SYAP1: variants seen among roughly 807,000 people sequenced by gnomAD.
SYAP1 encodes synapse-associated protein 1.
A neutral mutation model predicts 29.6 loss-of-function variants in SYAP1; 3 were observed. The observed-to-expected ratio is 0.10, with a 90% CI of 0.05 to 0.26. SYAP1 has a LOEUF of 0.26. Ranked by LOEUF, SYAP1 falls within the 10% of genes least tolerant of loss-of-function variation. The probability of loss-of-function intolerance (pLI) is 1.00; values close to 1 mark genes in which losing one functional copy is unlikely to be tolerated. For missense variants in SYAP1, 217 were observed against 264.1 expected (o/e 0.82, Z 1.24); for synonymous variants, 102 against 102.7 (o/e 0.99, Z 0.04).
intron 4 of SYAP1, among the ~76,000 whole-genome samples, chrX:16,743,073 A>T (rs1205023498): frequency 9.1e-6 from 1 of 109,626 alleles, no homozygotes; most frequent in Non-Finnish European, 1.9e-5. Flanking sequence ...CACACCTGTA[A>T]TCCCAGCACT....
At chrX:16,735,412 C>T in intron 2 of SYAP1, 67 bp downstream of exon 2, 1 of 696,074 alleles carries the variant, frequency 1.4e-6, no homozygotes. Flanking sequence ...ATGGTTTCTT[C>T]TTCTTATGAA....
Position 16,762,637 on chromosome X carries a change from C to T in SYAP1, c.*2278C>T, listed in dbSNP as rs1464346170. On this transcript the variant is annotated 3_prime_UTR_variant, in exon 9 of 9. Transcript: ENST00000380155. ...GGGTTAGCCAACAAGATATACCAAG[C>T]ATGAAAACCTGTAAAACTTAATAAA... is the stretch of plus-strand genomic sequence containing the variant. The T allele has an allele frequency of 9.0e-6, 1 of 111,684 alleles. No individual in the cohort carries two copies. The highest frequency in any genetic ancestry group is 1.9e-5 in the Non-Finnish European group (1 of 53,180). 9.2% of individuals were successfully genotyped at this position (111,684 alleles called of 1,213,427 possible). A position where few individuals can be genotyped will look rare whatever the true frequency, so the allele number is the denominator to read the frequency against.
intron 4 of SYAP1, 53 bp from the exon 5 acceptor site, chrX:16,743,648 C>T: frequency 6.6e-5 from 74 of 1,128,180 alleles, no homozygotes; most frequent in Admixed American, 5.6e-4. Context: ...AAATTGTTAT[C>T]TATTAATCGC....
intron 5 of SYAP1, among the ~76,000 whole-genome samples, chrX:16,748,452 T>G (rs896432076): frequency 8.9e-6 from 1 of 112,746 alleles, no homozygotes. Flanking sequence ...CTAGGAACAC[T>G]TTAGAAAACA....
chrX:16,756,273 G>A (rs1169180120), intron 6 of SYAP1, among the ~76,000 whole-genome samples: 1 of 111,885 alleles, frequency 8.9e-6, no homozygotes, highest in African/African-American at 3.3e-5. Flanking sequence ...TGCTAACACT[G>A]TAGTTAAAAA....
At chrX:16,725,036 C>T (rs763037663) in intron 1 of SYAP1, among the ~76,000 whole-genome samples, 5 of 112,475 alleles carry the variant, frequency 4.4e-5, no homozygotes, top group African/African-American at 1.6e-4. Flanking sequence ...TAGGACAAAT[C>T]ATTTTTCCTC....
At chrX:16,743,874 C>T (rs753524350) in intron 5 of SYAP1, 34 bp downstream of exon 5, 1 of 1,190,469 alleles carries the variant, frequency 8.4e-7, no homozygotes, top group African/African-American at 1.8e-5. Flanking sequence ...TTCCTCATGG[C>T]CTCCATTATG....
chrX:16,745,563 TAA>T (rs78503807), intron 5 of SYAP1, among the ~76,000 whole-genome samples: 1 of 102,910 alleles, frequency 9.7e-6, no homozygotes, highest in East Asian at 3.0e-4. Flanking sequence ...TGTTTCTACT[TAA>T]AAAAAAAAAA....
intron 3 of SYAP1, among the ~76,000 whole-genome samples, chrX:16,741,104 G>A (rs1452061675): frequency 1.8e-5 from 2 of 110,670 alleles, no homozygotes; most frequent in Admixed American, 2.0e-4. Context: ...CATCTGGAAG[G>A]CCATGATGTT....
In SYAP1 at chrX:16,741,807, C is replaced by A; in HGVS notation, c.435+18C>A. 4 of 1,111,611 alleles carry A rather than the reference C, an allele frequency of 3.6e-6. No individual in the cohort carries two copies. Among genetic ancestry groups the A allele is most frequent in the Non-Finnish European group, 4.9e-6 (4 of 811,720 alleles). 91.6% of individuals were successfully genotyped at this position (1,111,611 alleles called of 1,213,427 possible). A position where few individuals can be genotyped will look rare whatever the true frequency, so the allele number is the denominator to read the frequency against. ...TATCAGCTGTAAGTATCTTGTGGTA[C>A]CCCAGATAGAACATACTTTCTTCTG... On this transcript the variant is annotated intron_variant, in intron 4 of 8. Transcript: ENST00000380155.
intron 3 of SYAP1, among the ~76,000 whole-genome samples, chrX:16,740,419 A>G (rs1479056840): frequency 9.6e-6 from 1 of 104,135 alleles, no homozygotes; most frequent in African/African-American, 3.6e-5. Flanking sequence ...ACCTTTTATC[A>G]TGAATCAAGT....
At chrX:16,739,334 C>T (rs991123841) in intron 3 of SYAP1, among the ~76,000 whole-genome samples, 1 of 110,057 alleles carries the variant, frequency 9.1e-6, no homozygotes, top group Admixed American at 9.8e-5. Context: ...TCAGTGGGCT[C>T]GTGATATGAT....
chrX:16,754,799 AATC>A, intron 5 of SYAP1, 143 bp from the exon 6 acceptor site: 1 of 549,652 alleles, frequency 1.8e-6, no homozygotes, highest in Non-Finnish European at 3.0e-6. Flanking sequence ...TGCTCTTGCA[AATC>A]ATCTACTCCA....
chrX:16,760,100 T>C (rs987598775), intron 8 of SYAP1, 132 bp from the exon 9 acceptor site: 1 of 549,632 alleles, frequency 1.8e-6, no homozygotes. Context: ...TGAGCACACA[T>C]AGTAGTGAAG....
intron 1 of SYAP1, among the ~76,000 whole-genome samples, chrX:16,734,357 G>T (rs1926274615): frequency 9.5e-6 from 1 of 105,593 alleles, no homozygotes. Context: ...CTGCACTCCA[G>T]CCTGGGTGAC....
chrX:16,746,711 C>G (rs901924571), intron 5 of SYAP1, among the ~76,000 whole-genome samples: 16 of 110,959 alleles, frequency 1.4e-4, no homozygotes, highest in African/African-American at 4.6e-4. Context: ...TCTCAGCCTC[C>G]CGAGTAGCTG....
chrX:16,721,825 G>A (rs373278557), intron 1 of SYAP1, among the ~76,000 whole-genome samples: 20 of 111,187 alleles, frequency 1.8e-4, no homozygotes, highest in African/African-American at 4.6e-4. Context: ...GTGAGCCACC[G>A]TGCCTGGCCC....
At chrX:16,754,048 A>G (rs985615956) in intron 5 of SYAP1, among the ~76,000 whole-genome samples, 8 of 111,251 alleles carry the variant, frequency 7.2e-5, no homozygotes, top group African/African-American at 2.6e-4. Context: ...AGAACCACCA[A>G]GAGTTTTCAG....
In SYAP1 at chrX:16,740,342, C is replaced by CTTT. The variant is rs57231597; in HGVS notation, c.362-1359_362-1357dup. ...TTTACTGCCTCCAACTTGTGCATTT[C>CTTT]TTTTTTTTTTTTTTTTTAGCTCCTG... On this transcript the variant is annotated intron_variant, in intron 3 of 8. Coordinates refer to ENST00000380155, the MANE Select transcript of SYAP1 (RefSeq NM_032796.4). Among the ~76,000 whole-genome samples, 151 of 90,430 alleles carry CTTT rather than the reference C, an allele frequency of 1.7e-3. 1 individual carries two copies. Among genetic ancestry groups the CTTT allele is most frequent in the South Asian group, 2.6e-3 (5 of 1,947 alleles). The allele number at this position is 90,430 out of a possible 115,157, so 78.5% of individuals were successfully genotyped here.
Sources: allele counts gnomAD v4.1 joint callset (sites outside exome capture counted in the v4.1 genomes callset), GRCh38; gene constraint gnomAD v4.1.1; transcripts MANE v1.5; gene names NCBI Gene and HGNC (gene_info 2026-07-23, HGNC 2026-07-21).